SEC16B: variants seen among roughly 807,000 people sequenced by gnomAD.
The protein encoded by SEC16B is SEC16 homolog B, endoplasmic reticulum export factor.
SEC16B carries 115 observed loss-of-function variants against 141.8 expected under a neutral mutation model. That is an observed-to-expected ratio of 0.81 (90% CI 0.70 to 0.95). SEC16B has a LOEUF of 0.95. Ranked by LOEUF, SEC16B falls within the 40% of genes least tolerant of loss-of-function variation. The probability of loss-of-function intolerance (pLI) is 0.00; values close to 1 mark genes in which losing one functional copy is unlikely to be tolerated. For missense variants in SEC16B, 1,291 were observed against 1,312.3 expected, an observed-to-expected ratio of 0.98 and a Z score of 0.25; for synonymous variants, 493 against 492.5, an observed-to-expected ratio of 1.00 and a Z score of -0.01.
chr1:177,973,870 C>A (rs71628264), upstream of SEC16B, among the ~76,000 whole-genome samples: 16,276 of 152,092 alleles, frequency 0.11, 1,167 homozygotes, highest in Non-Finnish European at 0.16. Flanking sequence ...ATGGAAGAAG[C>A]ACAGCGGAAA....
At chr1:177,934,096 C>A (rs1218776712) in intron 20 of SEC16B, among the ~76,000 whole-genome samples, 1 of 151,620 alleles carries the variant, frequency 6.6e-6, no homozygotes, top group African/African-American at 2.4e-5. Context: ...ACATATGCAC[C>A]AAAGGGGGGT....
rs762728935 is a variant in SEC16B at position 177,959,128 on chromosome 1, T to C, written c.999-153A>G. The C allele has an allele frequency of 5.2e-6, 4 of 762,998 alleles. No individual in the cohort carries two copies. In the South Asian group the frequency reaches 6.0e-5, roughly 12 times the overall value. The allele number at this position is 762,998 out of a possible 1,614,324, so 47.3% of individuals were successfully genotyped here. ...GGCTAAGGTAATGAGTCTATAGCTA[T>C]AGGATAGTTATTTTCTTATAGAACA... On this transcript the variant is annotated intron_variant, in intron 8 of 25. Transcript: ENST00000308284.
intron 13 of SEC16B, among the ~76,000 whole-genome samples, chr1:177,947,092 C>A (rs1304822142): frequency 6.6e-6 from 1 of 152,220 alleles, no homozygotes; most frequent in Non-Finnish European, 1.5e-5. Context: ...TAGTTCCCTT[C>A]CACTCAGGGT....
intron 10 of SEC16B, among the ~76,000 whole-genome samples, 182 bp from the exon 11 acceptor site, chr1:177,954,558 G>C (rs967796966): frequency 1.3e-5 from 2 of 152,162 alleles, no homozygotes; most frequent in African/African-American, 4.8e-5. Context: ...TTTTCTCTAG[G>C]ATGTCACCTT....
rs537589700 is a variant in SEC16B at position 177,948,750 on chromosome 1, C to T, written c.1546-808G>A. 9.5e-5 allele frequency: 110 copies of T among 1,153,338 alleles called. No homozygotes were observed. In the South Asian group the frequency reaches 1.7e-3, roughly 18 times the overall value. The allele number at this position is 1,153,338 out of a possible 1,614,324, so 71.4% of individuals were successfully genotyped here. The stretch of plus-strand genomic sequence containing the variant: ...TCCTGCATCTTACTAGCTTACCTAC[C>T]TTGAGCAAGTTTCTTAATGTCTCTG... On this transcript the variant is annotated intron_variant, in intron 12 of 25. Transcript: ENST00000308284.
intron 10 of SEC16B, among the ~76,000 whole-genome samples, chr1:177,955,566 C>T (rs543700509): frequency 2.7e-4 from 41 of 151,452 alleles, no homozygotes; most frequent in African/African-American, 9.7e-4. Flanking sequence ...AGGCTGGTCT[C>T]AAAACTCCTG....
Position 177,961,749 on chromosome 1 carries a change from C to T in SEC16B, c.643-15G>A, listed in dbSNP as rs2101984900. ...GCCAATGATGGCTGAAAGTTAAAAA[C>T]AAAAACACACAGGAAGAAGTTTCAG... On this transcript the variant is annotated splice_polypyrimidine_tract_variant and intron_variant, in intron 5 of 25. Transcript: ENST00000308284. The T allele has an allele frequency of 6.2e-7, 1 of 1,611,878 alleles. No individual in the cohort carries two copies. The highest frequency in any genetic ancestry group is 2.2e-5 in the East Asian group (1 of 44,836).
chr1:177,937,164 C>T, intron 19 of SEC16B, 50 bp downstream of exon 19: 1 of 1,539,580 alleles, frequency 6.5e-7, no homozygotes, highest in Non-Finnish European at 8.7e-7. Flanking sequence ...CTGCTTCCTC[C>T]CCACCCAGAC....
chr1:177,941,726 T>C (rs1335001447), intron 16 of SEC16B, among the ~76,000 whole-genome samples, 174 bp downstream of exon 16: 1 of 152,196 alleles, frequency 6.6e-6, no homozygotes, highest in Non-Finnish European at 1.5e-5. Context: ...CTTTGTGTAG[T>C]GTTGGGCCTC....
chr1:177,977,008 C>T (rs1654193617), intron 1 of SEC16B, among the ~76,000 whole-genome samples: 1 of 152,146 alleles, frequency 6.6e-6, no homozygotes, highest in Non-Finnish European at 1.5e-5. Flanking sequence ...ATGCAGGATG[C>T]CACGGATACT....
intron 14 of SEC16B, chr1:177,946,163 A>G: frequency 1.7e-6 from 1 of 598,404 alleles, no homozygotes; most frequent in Non-Finnish European, 3.0e-6. Flanking sequence ...GCCAAAGGGC[A>G]CAATACCACA....
intron 5 of SEC16B, 25 bp downstream of exon 5, chr1:177,964,146 C>A: frequency 6.5e-7 from 1 of 1,550,172 alleles, no homozygotes; most frequent in Non-Finnish European, 8.8e-7. Flanking sequence ...CCACAGTCTC[C>A]AGCCCCCACG....
At chr1:177,941,515 TA>T (rs1176415894) in intron 16 of SEC16B, among the ~76,000 whole-genome samples, 3 of 152,272 alleles carry the variant, frequency 2.0e-5, no homozygotes, top group African/African-American at 7.2e-5. Flanking sequence ...TCCATGCATT[TA>T]AAAGCATTTT....
intron 1 of SEC16B, among the ~76,000 whole-genome samples, chr1:177,969,212 G>A (rs192682713): frequency 3.2e-4 from 49 of 152,260 alleles, no homozygotes; most frequent in African/African-American, 1.1e-3. Flanking sequence ...AGAACAAAAG[G>A]TCAAAAGAGT....
intron 12 of SEC16B, chr1:177,948,510 G>A (rs1651913878): frequency 4.6e-6 from 6 of 1,304,246 alleles, no homozygotes; most frequent in Non-Finnish European, 4.0e-6. Context: ...CAAGCCAAGT[G>A]GCCCAGCTAG....
In SEC16B at chr1:177,930,567, T is replaced by C. The variant is rs1397293983; in HGVS notation, c.3089A>G (p.Tyr1030Cys). ...TACCTGAGGCACCTGAGATGGGTTG[T>C]AAAGAGGAACAGCCCCTTTTAAGGC... ...PPALKGAVPLYNPSQVPQLPT... is the reference protein window; with the variant it reads ...PPALKGAVPLCNPSQVPQLPT... The change falls in exon 25 of 26, where the codon TAC (tyrosine) becomes TGC (cysteine). Residue 1030 changes from tyrosine to cysteine, a missense_variant. Tyr to Cys is a radical substitution (Grantham distance 194). This residue lies in a region of SEC16B where 605 missense variants were observed against 614.1 expected (regional missense o/e 0.99). Coordinates refer to ENST00000308284, the MANE Select transcript of SEC16B (RefSeq NM_033127.4). 6.2e-7 allele frequency: 1 copy of C among 1,613,544 alleles called. No homozygotes were observed. Among genetic ancestry groups the C allele is most frequent in the East Asian group, 2.2e-5 (1 of 44,872 alleles).
chr1:177,965,400 G>GGTGTGTGTGT (rs71108021), intron 3 of SEC16B, among the ~76,000 whole-genome samples: 29,243 of 151,012 alleles, frequency 0.19, 3,187 homozygotes, highest in East Asian at 0.32. Flanking sequence ...GATGGGGATT[G>GGTGTGTGTGT]GTGTGTGTGT....
intron 11 of SEC16B, among the ~76,000 whole-genome samples, chr1:177,953,721 G>A (rs1652381420): frequency 6.6e-6 from 1 of 152,170 alleles, no homozygotes; most frequent in Non-Finnish European, 1.5e-5. Context: ...ATCACAGTGT[G>A]CTGGCGTCAT....
In SEC16B at chr1:177,939,919, C is replaced by A; in HGVS notation, c.2128-142G>T. 4.3e-6 allele frequency: 3 copies of A among 690,320 alleles called. No homozygotes were observed. The South Asian group carries it at 5.7e-5, about 13-fold the overall frequency. The allele number at this position is 690,320 out of a possible 1,614,324, so 42.8% of individuals were successfully genotyped here. On this transcript the variant is annotated intron_variant, in intron 17 of 25. Transcript: ENST00000308284. Reference sequence around the variant, plus strand: ...AGGGAAATGCTTGTATGCTTAGGGGCCTGGGGGGTCACGTGGACAGGGCTC... The same window carrying A: ...AGGGAAATGCTTGTATGCTTAGGGGACTGGGGGGTCACGTGGACAGGGCTC...
Sources: gnomAD v4.1 joint callset for allele counts (sites outside exome capture counted in the v4.1 genomes callset) on GRCh38, gnomAD v4.1.1 for gene constraint, gnomAD v4.1.1 regional missense constraint, MANE v1.5 for transcripts, NCBI Gene and HGNC (gene_info 2026-07-23, HGNC 2026-07-21) for gene names.